SP140L: variants seen among roughly 807,000 people sequenced by gnomAD.
SP140L encodes SP140 like nuclear body protein.
In SP140L, 64 loss-of-function variants were observed where a neutral mutation model predicts 84.3. The observed-to-expected ratio is 0.76, with a 90% CI of 0.62 to 0.94. The LOEUF is 0.94. SP140L is among the 40% of genes least tolerant of loss of function. SP140L has a pLI of 0.00. For missense variants in SP140L, 628 were observed against 692.5 expected (o/e 0.91, Z 1.05); for synonymous variants, 242 against 236.9 (o/e 1.02, Z -0.20).
intron 2 of SP140L, among the ~76,000 whole-genome samples, chr2:230,336,484 A>C (rs970029293): frequency 6.6e-6 from 1 of 152,198 alleles, no homozygotes; most frequent in African/African-American, 2.4e-5. Flanking sequence ...TTTCATGAGA[A>C]TCTATGAGGA....
intron 5 of SP140L, among the ~76,000 whole-genome samples, chr2:230,365,244 T>C (rs561331786): frequency 4.6e-5 from 7 of 152,214 alleles, no homozygotes; most frequent in Non-Finnish European, 7.4e-5. Context: ...ATTATTTAAA[T>C]GTTTGGCAGA....
At chr2:230,389,589 C>T (rs1204193785) in intron 10 of SP140L, among the ~76,000 whole-genome samples, 1 of 152,100 alleles carries the variant, frequency 6.6e-6, no homozygotes, top group Non-Finnish European at 1.5e-5. Context: ...AGCTGGAGAG[C>T]GCCCATCAAA....
At chr2:230,394,158 G>T (rs2061946839) in intron 13 of SP140L, among the ~76,000 whole-genome samples, 1 of 152,144 alleles carries the variant, frequency 6.6e-6, no homozygotes, top group South Asian at 2.1e-4. Context: ...CCACCTCTTT[G>T]GTTCTACCAG....
chr2:230,389,000 A>C (rs10198517), intron 10 of SP140L, among the ~76,000 whole-genome samples: 33,195 of 152,240 alleles, frequency 0.22, 4,072 homozygotes, highest in Non-Finnish European at 0.29. Context: ...GTTGAACCAG[A>C]GTTGTGGTTA....
At chr2:230,331,605 A>T (rs2059726247) in intron 2 of SP140L, among the ~76,000 whole-genome samples, 1 of 152,344 alleles carries the variant, frequency 6.6e-6, no homozygotes, top group Non-Finnish European at 1.5e-5. Flanking sequence ...TTACATTTTT[A>T]AAAATTCTTA....
intron 9 of SP140L, among the ~76,000 whole-genome samples, chr2:230,388,007 G>GC (rs2061656720): frequency 6.6e-6 from 1 of 152,132 alleles, no homozygotes; most frequent in South Asian, 2.1e-4. Flanking sequence ...CACCTATGGA[G>GC]CACCTAATAG....
At chr2:230,371,458 T>C (rs1317817676) in intron 6 of SP140L, 140 bp from the exon 7 acceptor site, 2 of 806,880 alleles carry the variant, frequency 2.5e-6, no homozygotes, top group East Asian at 5.6e-5. Context: ...CAGTGGGTTT[T>C]TGGTTCCTCT....
intron 2 of SP140L, among the ~76,000 whole-genome samples, chr2:230,349,358 A>C (rs2060298651): frequency 6.6e-6 from 1 of 152,166 alleles, no homozygotes; most frequent in Non-Finnish European, 1.5e-5. Context: ...GGTTCTTGCA[A>C]TTCCATATAA....
chr2:230,337,778 C>T (rs946048555), intron 2 of SP140L, among the ~76,000 whole-genome samples: 14 of 152,020 alleles, frequency 9.2e-5, no homozygotes, highest in Non-Finnish European at 1.9e-4. Context: ...TTGTTTTTCT[C>T]AGGTTTGTCA....
At position 230,351,141 on chromosome 2, in the gene SP140L, A is replaced by G. The variant is rs1325352018; in HGVS notation, c.108-6664A>G. Among the ~76,000 whole-genome samples the G allele has an allele frequency of 2.6e-5, 4 of 152,332 alleles. No homozygotes were observed. In the South Asian group the frequency reaches 8.3e-4, roughly 32 times the overall value. Reference sequence around the variant, plus strand: ...ATATAGGGTAGATTCCAAAAGCTGGATCTGCTGGGTCAGTCAGTCTGTAGT... The same window carrying G: ...ATATAGGGTAGATTCCAAAAGCTGGGTCTGCTGGGTCAGTCAGTCTGTAGT... On this transcript the variant is annotated intron_variant, in intron 2 of 18. Coordinates refer to ENST00000415673, the MANE Select transcript of SP140L (RefSeq NM_138402.6).
At position 230,354,848 on chromosome 2, in the gene SP140L, G is replaced by GGAAAGAAAGAAAGAAAGAAAGAAA. The variant is rs61603133; in HGVS notation, c.108-2931_108-2908dup. ...AAGAAAGAGACAAGAAAGAAAGAAA[G>GGAAAGAAAGAAAGAAAGAAAGAAA]GAAAGAAAGAAAGAAAGAAAGAAAG... On this transcript the variant is annotated intron_variant, in intron 2 of 18. Coordinates refer to ENST00000415673, the MANE Select transcript of SP140L (RefSeq NM_138402.6). Among the ~76,000 whole-genome samples the GGAAAGAAAGAAAGAAAGAAAGAAA allele has an allele frequency of 1.0e-3, 112 of 108,878 alleles. 2 individuals are homozygous for GGAAAGAAAGAAAGAAAGAAAGAAA. The highest frequency in any genetic ancestry group is 4.5e-3 in the Middle Eastern group (1 of 220). The allele number at this position is 108,878 out of a possible 152,430, so 71.4% of individuals were successfully genotyped here. A position where few individuals can be genotyped will look rare whatever the true frequency, so the allele number is the denominator to read the frequency against.
intron 2 of SP140L, among the ~76,000 whole-genome samples, chr2:230,354,833 C>T (rs1262680818): frequency 2.9e-5 from 1 of 34,978 alleles, no homozygotes; most frequent in East Asian, 1.0e-3. Context: ...AAGAAAGAGA[C>T]AAGAAAGAAA....
chr2:230,331,134 T>C (rs1375537196), intron 2 of SP140L, among the ~76,000 whole-genome samples: 1 of 151,314 alleles, frequency 6.6e-6, no homozygotes, highest in Non-Finnish European at 1.5e-5. Context: ...TGAAATTTCC[T>C]GAAAGAAAAA....
At chr2:230,356,482 G>T (rs982589334) in intron 2 of SP140L, among the ~76,000 whole-genome samples, 2 of 152,174 alleles carry the variant, frequency 1.3e-5, no homozygotes, top group African/African-American at 4.8e-5. Flanking sequence ...AGACACAAAA[G>T]CATGTATATG....
chr2:230,354,150 C>T (rs1252922904), intron 2 of SP140L, among the ~76,000 whole-genome samples: 1 of 152,100 alleles, frequency 6.6e-6, no homozygotes, highest in African/African-American at 2.4e-5. Flanking sequence ...TCCTCTTTTT[C>T]CTTACACTAG....
chr2:230,343,997 G>T (rs879267646), intron 2 of SP140L, among the ~76,000 whole-genome samples: 3 of 152,160 alleles, frequency 2.0e-5, no homozygotes, highest in Non-Finnish European at 4.4e-5. Context: ...TGTGTATTCT[G>T]TTGTTTTTGA....
At chr2:230,373,889 TGAGAG>T (rs1474341759) in intron 7 of SP140L, among the ~76,000 whole-genome samples, 1 of 152,214 alleles carries the variant, frequency 6.6e-6, no homozygotes, top group East Asian at 1.9e-4. Context: ...TCATGATTCA[TGAGAG>T]GAGGTCAAAA....
At chr2:230,389,613 C>T (rs1279655960) in intron 10 of SP140L, among the ~76,000 whole-genome samples, 1 of 152,132 alleles carries the variant, frequency 6.6e-6, no homozygotes, top group African/African-American at 2.4e-5. Flanking sequence ...ATGACAACAA[C>T]TGTATGTTTC....
At chr2:230,349,571 A>G (rs892759715) in intron 2 of SP140L, among the ~76,000 whole-genome samples, 2 of 152,176 alleles carry the variant, frequency 1.3e-5, no homozygotes, top group Admixed American at 1.3e-4. Context: ...CAAGTCTTGC[A>G]TTCTGTTTGT....
Sources: gnomAD v4.1 joint callset for allele counts (sites outside exome capture counted in the v4.1 genomes callset) on GRCh38, gnomAD v4.1.1 for gene constraint, MANE v1.5 for transcripts, NCBI Gene and HGNC (gene_info 2026-07-23, HGNC 2026-07-21) for gene names.